Variants in NR6A1 observed in about 807,000 individuals in gnomAD.
The protein encoded by NR6A1 is retinoic acid receptor-related testis-associated receptor.
In NR6A1, 7 loss-of-function variants were observed where a neutral mutation model predicts 59.1. The observed-to-expected ratio is 0.12, with a 90% CI of 0.07 to 0.22. The LOEUF is 0.22. NR6A1 is among the 10% of genes least tolerant of loss of function. The pLI, the probability that NR6A1 is intolerant of heterozygous loss-of-function variation, is 1.00. For synonymous variants in NR6A1, 243 were observed against 236.1 expected (o/e 1.03, Z -0.27); for missense variants, 468 against 611.6 (o/e 0.77, Z 2.48).
intron 2 of NR6A1, among the ~76,000 whole-genome samples, chr9:124,712,865 CAT>C (rs1839317606): frequency 6.6e-6 from 1 of 152,108 alleles, no homozygotes; most frequent in African/African-American, 2.4e-5. Context: ...GGTATGAAAA[CAT>C]AACTGATTTA....
intron 2 of NR6A1, among the ~76,000 whole-genome samples, chr9:124,575,465 T>A (rs760447512): frequency 4.6e-5 from 7 of 152,112 alleles, no homozygotes; most frequent in Non-Finnish European, 8.8e-5. Context: ...TCCCAGCTAC[T>A]CAGGAGGCTG....
chr9:124,685,015 G>A (rs1024459010), intron 2 of NR6A1, among the ~76,000 whole-genome samples: 3 of 151,864 alleles, frequency 2.0e-5, no homozygotes, highest in South Asian at 4.1e-4. Flanking sequence ...TCTTTTTCAT[G>A]ATGAAGAGAC....
rs1369046319 is a variant in NR6A1, at chr9:124,750,747, G to A, written c.101-17398C>T. Among the ~76,000 whole-genome samples, 6 of 151,640 alleles carry A rather than the reference G, an allele frequency of 4.0e-5. 1 individual carries two copies. The highest frequency in any genetic ancestry group is 3.9e-4 in the East Asian group (2 of 5,164). On this transcript the variant is annotated intron_variant, in intron 1 of 9. Transcript: ENST00000487099. ...TGCACTCCAGCCTGGGTGACAGAGC[G>A]AAACTCCGTCTCAAAAAAATAAATA...
intron 2 of NR6A1, among the ~76,000 whole-genome samples, chr9:124,645,939 T>C (rs1199647321): frequency 1.3e-5 from 2 of 152,084 alleles, no homozygotes. Flanking sequence ...CAGACCACAA[T>C]GGAATTAAAC....
At chr9:124,661,344 A>G (rs1837425590) in intron 2 of NR6A1, among the ~76,000 whole-genome samples, 1 of 152,216 alleles carries the variant, frequency 6.6e-6, no homozygotes. Flanking sequence ...GAAACAGTAC[A>G]TGGATTCTTG....
chr9:124,703,176 A>T (rs537635429), intron 2 of NR6A1, among the ~76,000 whole-genome samples: 57 of 147,058 alleles, frequency 3.9e-4, no homozygotes, highest in African/African-American at 1.3e-3. Flanking sequence ...AAGTGCTGAG[A>T]TTACAGGCGT....
intron 8 of NR6A1, among the ~76,000 whole-genome samples, chr9:124,525,396 A>G (rs1212654639): frequency 6.7e-6 from 1 of 149,694 alleles, no homozygotes; most frequent in Non-Finnish European, 1.5e-5. Flanking sequence ...ATAGGGTCTC[A>G]CTCTGTCACC....
rs559294863 is a variant in NR6A1 at position 124,765,480 on chromosome 9, A to AT, written c.100+5539dup. On this transcript the variant is annotated intron_variant, in intron 1 of 9. Coordinates refer to ENST00000487099, the MANE Select transcript of NR6A1 (RefSeq NM_033334.4). ...ATTTGGGAGTTCAATTATTCCTATA[A>AT]TTTTTTTAAGAACAAAAATTCCAAA... Among the ~76,000 whole-genome samples the AT allele has an allele frequency of 2.4e-3, 361 of 152,262 alleles. 5 individuals carry two copies. Among genetic ancestry groups the AT allele is most frequent in the Middle Eastern group, 0.02 (6 of 294 alleles).
intron 2 of NR6A1, among the ~76,000 whole-genome samples, chr9:124,692,051 G>C (rs953175449): frequency 1.3e-5 from 2 of 152,122 alleles, no homozygotes; most frequent in African/African-American, 4.8e-5. Context: ...TGTAACTTTA[G>C]GCAAATCACT....
intron 8 of NR6A1, among the ~76,000 whole-genome samples, chr9:124,526,051 G>T (rs957261710): frequency 1.2e-4 from 18 of 152,182 alleles, no homozygotes; most frequent in Non-Finnish European, 2.5e-4. Context: ...AGGAGCTCTG[G>T]ACTGGAAATG....
chr9:124,666,275 C>CTTTTTTTTTTTTTTTTTTTTTT (rs922378385), intron 2 of NR6A1, among the ~76,000 whole-genome samples: 24 of 103,044 alleles, frequency 2.3e-4, no homozygotes, highest in African/African-American at 8.7e-4. Flanking sequence ...CTATGTGGTT[C>CTTTTTTTTTTTTTTTTTTTTTT]TTTTTTTTTT....
chr9:124,655,322 C>T (rs1837227905), intron 2 of NR6A1, among the ~76,000 whole-genome samples: 2 of 152,194 alleles, frequency 1.3e-5, no homozygotes, highest in African/African-American at 4.8e-5. Flanking sequence ...CCCAGTTATA[C>T]ATTTTACATC....
intron 2 of NR6A1, among the ~76,000 whole-genome samples, chr9:124,662,056 G>A (rs925353460): frequency 6.6e-6 from 1 of 151,030 alleles, no homozygotes; most frequent in African/African-American, 2.4e-5. Flanking sequence ...CATAATACTT[G>A]AGAAATACCT....
chr9:124,533,196 T>C (rs1011220628), intron 7 of NR6A1, among the ~76,000 whole-genome samples: 3 of 152,312 alleles, frequency 2.0e-5, no homozygotes, highest in East Asian at 1.9e-4. Flanking sequence ...CTGGGATCCT[T>C]GGGCCAGCTC....
At chr9:124,585,940 G>A (rs1834917571) in intron 2 of NR6A1, among the ~76,000 whole-genome samples, 1 of 152,050 alleles carries the variant, frequency 6.6e-6, no homozygotes, top group South Asian at 2.1e-4. Context: ...TAAATATTTT[G>A]AGCTCACTGT....
chr9:124,569,271 T>A (rs1207037729), intron 2 of NR6A1, among the ~76,000 whole-genome samples: 1 of 152,162 alleles, frequency 6.6e-6, no homozygotes, highest in Non-Finnish European at 1.5e-5. Flanking sequence ...TAGCAATCGG[T>A]TCTACCTTAA....
At chr9:124,650,059 C>T (rs763214692) in intron 2 of NR6A1, among the ~76,000 whole-genome samples, 2 of 152,114 alleles carry the variant, frequency 1.3e-5, no homozygotes, top group Non-Finnish European at 2.9e-5. Flanking sequence ...AATAGAACTA[C>T]CATATGATCC....
intron 2 of NR6A1, among the ~76,000 whole-genome samples, chr9:124,732,692 T>A (rs1190037630): frequency 6.6e-6 from 1 of 151,952 alleles, no homozygotes; most frequent in East Asian, 1.9e-4. Flanking sequence ...TAAATGCAAG[T>A]ACGAATTTTT....
At chr9:124,720,110 C>T (rs559045876) in intron 2 of NR6A1, among the ~76,000 whole-genome samples, 1 of 152,180 alleles carries the variant, frequency 6.6e-6, no homozygotes, top group South Asian at 2.1e-4. Context: ...TGCAATGACG[C>T]AATCTCAGCT....
Sources: allele counts gnomAD v4.1 joint callset (sites outside exome capture counted in the v4.1 genomes callset), GRCh38; gene constraint gnomAD v4.1.1; transcripts MANE v1.5; gene names NCBI Gene and HGNC (gene_info 2026-07-23, HGNC 2026-07-21).